LEKR1: variants seen among roughly 807,000 people sequenced by gnomAD.
LEKR1 encodes the protein leucine, glutamate and lysine rich 1, also known as protein LEKR1.
A neutral mutation model predicts 72.4 loss-of-function variants in LEKR1; 59 were observed. The ratio of observed to expected loss-of-function variants is 0.82; its 90% CI spans 0.66 to 1.01. The LOEUF (loss-of-function observed/expected upper bound fraction) is 1.01, where lower values mean the gene tolerates loss of function less well. LEKR1 is among the 50% of genes least tolerant of loss of function. The pLI is 0.00. For missense variants in LEKR1, 728 were observed against 759.2 expected (o/e 0.96, Z 0.48); for synonymous variants, 257 against 263.2 (o/e 0.98, Z 0.23).
intron 9 of LEKR1, among the ~76,000 whole-genome samples, chr3:156,996,684 T>C (rs1171642020): frequency 6.6e-6 from 1 of 152,232 alleles, no homozygotes; most frequent in African/African-American, 2.4e-5. Flanking sequence ...TCCTACACCC[T>C]GTCAGTTTCT....
chr3:156,997,641 G>A (rs969110638), intron 9 of LEKR1, among the ~76,000 whole-genome samples: 7 of 152,186 alleles, frequency 4.6e-5, no homozygotes, highest in African/African-American at 1.2e-4. Flanking sequence ...ATAAATCCAA[G>A]CAGTGTCAGA....
intron 3 of LEKR1, among the ~76,000 whole-genome samples, chr3:156,857,411 A>G (rs1171702542): frequency 6.6e-6 from 1 of 152,160 alleles, no homozygotes; most frequent in African/African-American, 2.4e-5. Flanking sequence ...TTCTATGCAT[A>G]TAGTAAGTGG....
chr3:156,997,283 C>A (rs1263109101), intron 9 of LEKR1, among the ~76,000 whole-genome samples: 1 of 152,100 alleles, frequency 6.6e-6, no homozygotes, highest in African/African-American at 2.4e-5. Flanking sequence ...TTTCCTCTTT[C>A]CACTTTTTTC....
chr3:156,930,461 G>A (rs960640560), intron 5 of LEKR1, among the ~76,000 whole-genome samples: 1 of 151,970 alleles, frequency 6.6e-6, no homozygotes, highest in Non-Finnish European at 1.5e-5. Context: ...TGGATAAATG[G>A]ATTCATTTTG....
At chr3:156,834,759 A>G (rs1021396335) in intron 2 of LEKR1, among the ~76,000 whole-genome samples, 3 of 152,308 alleles carry the variant, frequency 2.0e-5, no homozygotes, top group South Asian at 2.1e-4. Context: ...CAAAAATATC[A>G]TAGAAGTAGT....
intron 2 of LEKR1, among the ~76,000 whole-genome samples, chr3:156,840,005 C>G (rs572549403): frequency 2.0e-5 from 3 of 152,314 alleles, no homozygotes; most frequent in Non-Finnish European, 4.4e-5. Context: ...CCTCCTCTTC[C>G]TCTTCCTCCT....
intron 3 of LEKR1, among the ~76,000 whole-genome samples, chr3:156,917,233 A>T (rs1012907939): frequency 6.6e-6 from 1 of 152,144 alleles, no homozygotes; most frequent in Non-Finnish European, 1.5e-5. Context: ...TAGAGAAAGG[A>T]TAAGAAAGCT....
intron 10 of LEKR1, among the ~76,000 whole-genome samples, chr3:157,012,422 G>T (rs1167063658): frequency 6.6e-6 from 1 of 152,124 alleles, no homozygotes; most frequent in Non-Finnish European, 1.5e-5. Context: ...TCTCCTTGGG[G>T]ATTGACCCCA....
At chr3:156,982,854 T>TA (rs1560125626) in intron 7 of LEKR1, among the ~76,000 whole-genome samples, 78 of 123,888 alleles carry the variant, frequency 6.3e-4, no homozygotes, top group African/African-American at 2.8e-3. Context: ...TGTGTGTGTG[T>TA]GTAGATAGAT....
intron 5 of LEKR1, among the ~76,000 whole-genome samples, chr3:156,940,294 T>C (rs1195936005): frequency 2.6e-5 from 4 of 152,142 alleles, no homozygotes; most frequent in Admixed American, 2.6e-4. Context: ...ATACAAATGA[T>C]GTAAATTGCT....
intron 10 of LEKR1, among the ~76,000 whole-genome samples, chr3:157,016,436 A>G (rs1187849568): frequency 6.6e-6 from 1 of 152,140 alleles, no homozygotes; most frequent in East Asian, 1.9e-4. Flanking sequence ...ACTAGAAGAA[A>G]GTTAGGGGGG....
chr3:156,960,367 C>A (rs992443846), intron 6 of LEKR1, among the ~76,000 whole-genome samples: 6 of 152,112 alleles, frequency 3.9e-5, no homozygotes, highest in African/African-American at 1.4e-4. Flanking sequence ...CTCACTGCAA[C>A]CTCCACCTCC....
chr3:157,004,119 G>A (rs1341399939), intron 9 of LEKR1, among the ~76,000 whole-genome samples: 4 of 152,086 alleles, frequency 2.6e-5, no homozygotes, highest in Admixed American at 2.0e-4. Flanking sequence ...AAAGACATAT[G>A]AGGTCAAAAA....
intron 10 of LEKR1, among the ~76,000 whole-genome samples, chr3:157,015,305 T>A (rs1484111851): frequency 6.6e-6 from 1 of 152,164 alleles, no homozygotes; most frequent in Non-Finnish European, 1.5e-5. Flanking sequence ...GCCTTGCATA[T>A]GTTTATGATC....
chr3:156,833,905 T>C (rs912441764), intron 2 of LEKR1, among the ~76,000 whole-genome samples: 3 of 150,542 alleles, frequency 2.0e-5, no homozygotes, highest in South Asian at 2.1e-4. Flanking sequence ...TCCCCTTTTT[T>C]CCTTTTTTTT....
chr3:156,972,026 A>G (rs1269833803), intron 6 of LEKR1, among the ~76,000 whole-genome samples: 1 of 152,232 alleles, frequency 6.6e-6, no homozygotes, highest in Non-Finnish European at 1.5e-5. Flanking sequence ...ATGCTGCTAT[A>G]AAGATACATG....
intron 3 of LEKR1, among the ~76,000 whole-genome samples, chr3:156,898,571 C>A (rs888109585): frequency 1.3e-5 from 2 of 152,062 alleles, no homozygotes; most frequent in African/African-American, 4.8e-5. Flanking sequence ...TGAGAAATTT[C>A]TGTTGTTTAT....
chr3:156,954,113 T>A (rs1466672182), intron 6 of LEKR1, among the ~76,000 whole-genome samples: 1 of 151,960 alleles, frequency 6.6e-6, no homozygotes, highest in Non-Finnish European at 1.5e-5. Flanking sequence ...TCTCTAATGA[T>A]CATGATGATG....
At chr3:157,005,361 AT>A (rs1732340080) in intron 9 of LEKR1, among the ~76,000 whole-genome samples, 1 of 152,118 alleles carries the variant, frequency 6.6e-6, no homozygotes, top group Non-Finnish European at 1.5e-5. Flanking sequence ...TTACTGGTGA[AT>A]TTTACCAAGC....
Sources: allele counts gnomAD v4.1 joint callset (sites outside exome capture counted in the v4.1 genomes callset), GRCh38; gene constraint gnomAD v4.1.1; transcripts MANE v1.5; gene names NCBI Gene and HGNC (gene_info 2026-07-23, HGNC 2026-07-21).